ETV5: variants seen among roughly 807,000 people sequenced by gnomAD.
ETV5 encodes the protein ETS variant transcription factor 5.
ETV5 carries 10 observed loss-of-function variants against 70.0 expected under a neutral mutation model. The observed-to-expected ratio is 0.14, with a 90% confidence interval of 0.09 to 0.24. ETV5 has a LOEUF of 0.24. Among genes scored for constraint, ETV5 ranks in the 10% least tolerant of loss-of-function variants. The probability of loss-of-function intolerance (pLI) is 1.00; values close to 1 mark genes in which losing one functional copy is unlikely to be tolerated. For synonymous variants in ETV5, 216 were observed against 242.2 expected, an observed-to-expected ratio of 0.89 and a Z score of 1.01; for missense variants, 453 against 651.2, an observed-to-expected ratio of 0.70 and a Z score of 3.31.
At chr3:186,080,201 C>T in intron 6 of ETV5, 97 bp from the exon 7 acceptor site, 1 of 1,031,856 alleles carries the variant, frequency 9.7e-7, no homozygotes, top group African/African-American at 1.7e-5. Context: ...CCCATTGTTG[C>T]CAGGAAATAA....
At chr3:186,049,793 C>T (rs181593344) in intron 12 of ETV5, among the ~76,000 whole-genome samples, 13 of 152,260 alleles carry the variant, frequency 8.5e-5, no homozygotes, top group African/African-American at 2.9e-4. Context: ...TAGTGTTGTA[C>T]GCTGGTTTTA....
chr3:186,050,367 T>A (rs1478993023), intron 12 of ETV5, among the ~76,000 whole-genome samples: 1 of 152,164 alleles, frequency 6.6e-6, no homozygotes, highest in East Asian at 1.9e-4. Context: ...GGACAGCTCA[T>A]TTCCATTGGT....
intron 7 of ETV5, chr3:186,079,158 C>T (rs1201838400): frequency 3.2e-6 from 3 of 936,318 alleles, no homozygotes; most frequent in Non-Finnish European, 3.9e-6. Context: ...ATCCGAGATT[C>T]TAGAATACCA....
intron 5 of ETV5, among the ~76,000 whole-genome samples, chr3:186,085,628 C>T (rs1714039677): frequency 1.3e-5 from 2 of 151,726 alleles, no homozygotes; most frequent in African/African-American, 4.8e-5. Flanking sequence ...CCTATCTCAG[C>T]CTCCCAAGCA....
chr3:186,053,446 C>CA (rs202202456), intron 11 of ETV5, among the ~76,000 whole-genome samples: 12,392 of 152,256 alleles, frequency 0.081, 898 homozygotes, highest in African/African-American at 0.2. Flanking sequence ...GAGTAGGAAT[C>CA]AGAGAGAAAA....
chr3:186,086,228 C>A (rs926177769), intron 5 of ETV5, among the ~76,000 whole-genome samples: 6 of 152,234 alleles, frequency 3.9e-5, no homozygotes, highest in African/African-American at 1.4e-4. Flanking sequence ...TGTGGGTATG[C>A]ACAATCAAGT....
chr3:186,048,811 A>G lies in ETV5; in HGVS notation c.1361T>C (p.Leu454Pro). 1 of 1,614,102 alleles carries G rather than the reference A, an allele frequency of 6.2e-7. No individual in the cohort carries two copies. Among genetic ancestry groups the G allele is most frequent in the Non-Finnish European group, 8.5e-7 (1 of 1,180,012 alleles). ...GTTATCCGGGAAAGCCATGGAGAAG[A>G]GGGCATCTGGGTCACAGACAAATTT... ...VYKFVCDPDA[L>P]FSMAFPDNQR... The change falls in exon 13 of 13, where the codon CTC (leucine) becomes CCC (proline). Residue 454 changes from leucine (L) to proline (P), a missense_variant. By Grantham distance (98) the Leu-to-Pro change is moderately conservative (BLOSUM62 -3). Around this residue, in one of 4 missense-constraint regions of ETV5, gnomAD observed 74 missense variants for 95.2 expected, o/e 0.78. Transcript: ENST00000306376.
At chr3:186,096,932 G>A (rs375966222) in intron 5 of ETV5, among the ~76,000 whole-genome samples, 1 of 152,134 alleles carries the variant, frequency 6.6e-6, no homozygotes, top group African/African-American at 2.4e-5. Context: ...TGTAATGCCA[G>A]CTATGTGGGA....
At position 186,057,147 on chromosome 3, in the gene ETV5, A is replaced by T; in HGVS notation, c.1137T>A (p.Asp379Glu). The T allele has an allele frequency of 6.2e-7, 1 of 1,614,202 alleles. No individual in the cohort carries two copies. Residue 379 changes from aspartate to glutamate, a missense_variant, in exon 11 of 13, where the codon GAT becomes GAA. Coordinates refer to ENST00000306376, the MANE Select transcript of ETV5 (RefSeq NM_004454.3). The surrounding 1 kb of genome is among the most constrained non-coding windows in gnomAD (Gnocchi z 4.9). ...CAATGAAGTGGGCATTGGCTGGGTC[A>T]TCAAGAAGGGTGACCAGGAACTGCC... Reference protein sequence around the residue: ...QLWQFLVTLLDDPANAHFIAW... With the variant: ...QLWQFLVTLLEDPANAHFIAW...
Position 186,105,388 on chromosome 3 carries a change from G to A in ETV5, c.182-33C>T, listed in dbSNP as rs765900602. The stretch of plus-strand genomic sequence containing the variant: ...ATAGATTTTTATTTTAGACCTTTAA[G>A]TTTTATTAAAAAGCACAGTAAAATG... On this transcript the variant is annotated intron_variant, in intron 4 of 12. Transcript: ENST00000306376. This position sits in a 1 kb window ranked among gnomAD's most constrained non-coding sequence, Gnocchi z 4.5. The A allele has an allele frequency of 6.8e-6, 11 of 1,611,618 alleles. No individual in the cohort carries two copies. Among genetic ancestry groups the A allele is most frequent in the Non-Finnish European group, 9.3e-6 (11 of 1,178,990 alleles).
intron 5 of ETV5, among the ~76,000 whole-genome samples, chr3:186,104,548 G>A (rs1714541846): frequency 6.6e-6 from 1 of 152,010 alleles, no homozygotes; most frequent in South Asian, 2.1e-4. Flanking sequence ...GTTAACTGGA[G>A]TTTTCCATTA....
At chr3:186,058,049 T>G (rs983386328) in intron 9 of ETV5, among the ~76,000 whole-genome samples, 8 of 152,182 alleles carry the variant, frequency 5.3e-5, no homozygotes, top group African/African-American at 1.4e-4. Flanking sequence ...GGGGGTATTA[T>G]TACCAAACAG....
chr3:186,080,912 C>T (rs1713918096), intron 6 of ETV5, 134 bp downstream of exon 6: 4 of 1,058,576 alleles, frequency 3.8e-6, no homozygotes, highest in Non-Finnish European at 5.4e-6. Flanking sequence ...CGGAGGATGA[C>T]ACTGCCATGA....
intron 12 of ETV5, among the ~76,000 whole-genome samples, chr3:186,050,095 G>T (rs1251859467): frequency 6.6e-6 from 1 of 152,064 alleles, no homozygotes; most frequent in Non-Finnish European, 1.5e-5. Context: ...CCTTACACTG[G>T]ATGGCACATT....
chr3:186,094,768 A>ATAT (rs1323541989), intron 5 of ETV5, among the ~76,000 whole-genome samples: 15 of 152,336 alleles, frequency 9.8e-5, no homozygotes, highest in African/African-American at 3.4e-4. Flanking sequence ...TAATTGCATA[A>ATAT]GAGTGTCGCA....
At chr3:186,102,328 C>T (rs1052818377) in intron 5 of ETV5, among the ~76,000 whole-genome samples, 1 of 151,984 alleles carries the variant, frequency 6.6e-6, no homozygotes, top group Non-Finnish European at 1.5e-5. Context: ...TACCAGTGGC[C>T]ACTGGTAAGA....
chr3:186,058,453 G>C (rs1479508998), intron 9 of ETV5, among the ~76,000 whole-genome samples: 1 of 152,188 alleles, frequency 6.6e-6, no homozygotes, highest in East Asian at 1.9e-4. Context: ...GTGCTTCCCT[G>C]TGCTCCGTTT....
chr3:186,094,405 TAAGG>T (rs902906284), intron 5 of ETV5, among the ~76,000 whole-genome samples: 8 of 152,210 alleles, frequency 5.3e-5, no homozygotes, highest in Admixed American at 5.2e-4. Flanking sequence ...TGTTATCAAA[TAAGG>T]AAGAAAACTG....
intron 5 of ETV5, among the ~76,000 whole-genome samples, chr3:186,090,479 C>G (rs1189957768): frequency 6.6e-6 from 1 of 152,168 alleles, no homozygotes; most frequent in Non-Finnish European, 1.5e-5. Context: ...AAAATAACAC[C>G]TATCAGTAAC....
Sources: allele counts gnomAD v4.1 joint callset (sites outside exome capture counted in the v4.1 genomes callset), GRCh38; gene constraint gnomAD v4.1.1; regional missense constraint gnomAD v4.1.1; non-coding constraint Gnocchi (gnomAD v3.1); transcripts MANE v1.5; gene names NCBI Gene and HGNC (gene_info 2026-07-23, HGNC 2026-07-21).